Variants in SYNGR4 observed in about 807,000 individuals in gnomAD.
SYNGR4 encodes synaptogyrin-4.
A neutral mutation model predicts 15.5 loss-of-function variants in SYNGR4; 15 were observed. That is an observed-to-expected ratio of 0.97 (90% CI 0.65 to 1.49). The LOEUF (loss-of-function observed/expected upper bound fraction) is 1.49, where lower values mean the gene tolerates loss of function less well. SYNGR4 is among the 40% of genes most tolerant of loss of function. The pLI is 0.00. For missense variants in SYNGR4, 292 were observed against 299.3 expected (o/e 0.98, Z 0.18); for synonymous variants, 121 against 127.4 (o/e 0.95, Z 0.34).
chr19:48,373,861 C>T lies in SYNGR4; in HGVS notation c.331+107C>T. 2.7e-6 allele frequency: 3 copies of T among 1,128,336 alleles called. No homozygotes were observed. The South Asian group carries it at 4.0e-5, about 15-fold the overall frequency. 69.9% of individuals were successfully genotyped at this position (1,128,336 alleles called of 1,614,324 possible). On this transcript the variant is annotated intron_variant, in intron 3 of 4. Coordinates refer to ENST00000344846, the MANE Select transcript of SYNGR4 (RefSeq NM_012451.4). ...AACCCTTCACCACCTAGCCGGCCTC[C>T]ACCCTGACTGTCCTCCCAGTAGGAG...
rs1569048613 is a variant in SYNGR4, at chr19:48,376,275, C to G, written c.662C>G (p.Thr221Ser). 1 of 1,613,458 alleles carries G rather than the reference C, an allele frequency of 6.2e-7. No individual in the cohort carries two copies. Among genetic ancestry groups the G allele is most frequent in the East Asian group, 2.2e-5 (1 of 44,850 alleles). The change falls in exon 5 of 5, where the codon ACC becomes AGC. Residue 221 changes from threonine (T) to serine (S), a missense_variant. Coordinates refer to ENST00000344846, the MANE Select transcript of SYNGR4 (RefSeq NM_012451.4). ...AGCTCTGCCCTGTCCCCCTGTCTGA[C>G]CGCTCCAAAGTCCCCCCGGCTTGCT... The part of the protein sequence containing the change: ...YASSALSPCL[T>S]APKSPRLAMM...
intron 2 of SYNGR4, chr19:48,373,308 C>T (rs1217913243): frequency 1.7e-6 from 1 of 584,094 alleles, no homozygotes. Context: ...GGGCAAGGGC[C>T]AAGGAGAGCA....
chr19:48,370,360 G>A (rs1000234394), intron 2 of SYNGR4, among the ~76,000 whole-genome samples: 2 of 152,070 alleles, frequency 1.3e-5, no homozygotes, highest in African/African-American at 4.8e-5. Context: ...TTTCGCACTT[G>A]TAGTCCCAGC....
intron 2 of SYNGR4, 109 bp downstream of exon 2, chr19:48,366,044 GA>G (rs1970215791): frequency 8.4e-7 from 1 of 1,183,682 alleles, no homozygotes; most frequent in African/African-American, 1.5e-5. Context: ...GTCAGACGGG[GA>G]AACAAGACAA....
At position 48,376,276 on chromosome 19, in the gene SYNGR4, C is replaced by T. The variant is rs149839356; in HGVS notation, c.663C>T (p.Thr221=). 46 of 1,613,140 alleles carry T rather than the reference C, an allele frequency of 2.9e-5. No homozygotes were observed. Among genetic ancestry groups the T allele is most frequent in the South Asian group, 5.5e-5 (5 of 91,024 alleles). ...GCTCTGCCCTGTCCCCCTGTCTGAC[C>T]GCTCCAAAGTCCCCCCGGCTTGCTA... ...YASSALSPCL[T]APKSPRLAMM... Residue 221 remains threonine, a synonymous_variant, in exon 5 of 5, where the codon ACC becomes ACT. Transcript: ENST00000344846.
rs191699611 is a variant in SYNGR4, at chr19:48,372,367, C to T, written c.94-1150C>T. ...AATACACATAGAAGACAGGCATGGC[C>T]GGGCGTGGTGGCTCACGCCTGTAAT... On this transcript the variant is annotated intron_variant, in intron 2 of 4. Transcript: ENST00000344846. 4.6e-5 allele frequency among the ~76,000 whole-genome samples: 7 copies of T among 151,652 alleles called. No homozygotes were observed. The East Asian group carries it at 5.9e-4, about 13-fold the overall frequency.
intron 2 of SYNGR4, among the ~76,000 whole-genome samples, chr19:48,369,004 G>T (rs929106003): frequency 1.3e-5 from 2 of 152,194 alleles, no homozygotes; most frequent in African/African-American, 4.8e-5. Flanking sequence ...CAGGGCGGGT[G>T]GCAAGGAGAC....
chr19:48,367,512 A>T (rs1010972057), intron 2 of SYNGR4, among the ~76,000 whole-genome samples: 1 of 152,150 alleles, frequency 6.6e-6, no homozygotes, highest in African/African-American at 2.4e-5. Flanking sequence ...GGCTAAGGTC[A>T]CGCAGTAACA....
intron 2 of SYNGR4, among the ~76,000 whole-genome samples, chr19:48,367,625 G>A (rs1411534359): frequency 6.6e-6 from 1 of 152,138 alleles, no homozygotes; most frequent in African/African-American, 2.4e-5. Flanking sequence ...AGGGGCTGGG[G>A]CTTCTAGGAA....
intron 1 of SYNGR4, among the ~76,000 whole-genome samples, chr19:48,365,011 T>A (rs1169431201): frequency 2.7e-5 from 4 of 150,514 alleles, no homozygotes; most frequent in Non-Finnish European, 4.4e-5. Context: ...AGCAGCCCCT[T>A]CACTTATGTC....
chr19:48,373,389 A>C, intron 2 of SYNGR4, 128 bp from the exon 3 acceptor site: 1 of 781,482 alleles, frequency 1.3e-6, no homozygotes, highest in East Asian at 2.5e-5. Flanking sequence ...CACTGTGACA[A>C]TGTCAAAGAG....
At chr19:48,372,799 G>C (rs371635888) in intron 2 of SYNGR4, among the ~76,000 whole-genome samples, 1 of 152,186 alleles carries the variant, frequency 6.6e-6, no homozygotes, top group African/African-American at 2.4e-5. Context: ...GTTTCTCTTC[G>C]TATTTTTCTG....
rs763888979 is a variant in SYNGR4 at position 48,376,060 on chromosome 19, T to A, written c.472-25T>A. 3 of 1,614,038 alleles carry A rather than the reference T, an allele frequency of 1.9e-6. No individual in the cohort carries two copies. The South Asian group carries it at 3.3e-5, about 18-fold the overall frequency. ...TGACCTGCCCAGCCCAAGTCAGCCT[T>A]CAGCACGCGCTTTTCTGCCCACAGA... On this transcript the variant is annotated intron_variant, in intron 4 of 4. Coordinates refer to ENST00000344846, the MANE Select transcript of SYNGR4 (RefSeq NM_012451.4).
intron 2 of SYNGR4, 55 bp downstream of exon 2, chr19:48,365,990 T>C: frequency 6.3e-7 from 1 of 1,575,056 alleles, no homozygotes; most frequent in Non-Finnish European, 8.7e-7. Context: ...CCAGGAGCTC[T>C]CAACTCCCAG....
chr19:48,376,004 C>T (rs1352321544), intron 4 of SYNGR4, 81 bp from the exon 5 acceptor site: 1 of 1,602,996 alleles, frequency 6.2e-7, no homozygotes, highest in African/African-American at 1.3e-5. Context: ...TTGTCTCCTT[C>T]CCAGGCCAGT....
In SYNGR4 at chr19:48,365,882, G is replaced by A. The variant is rs201450222; in HGVS notation, c.40G>A (p.Glu14Lys). Residue 14 changes from glutamate to lysine, a missense_variant, in exon 2 of 5, where the codon GAA (glutamate) becomes AAA (lysine). By Grantham distance (56) the Glu-to-Lys change is moderately conservative. Coordinates refer to ENST00000344846, the MANE Select transcript of SYNGR4 (RefSeq NM_012451.4). ...PKSLQELANS[E>K]AVQFLRRPKT... is the part of the protein sequence containing the mutation. Reference sequence around the variant, plus strand: ...AAGCCTCCAGGAGCTGGCCAACAGCGAAGCCGTGCAGTTTCTGAGAAGGCC... The same window carrying A: ...AAGCCTCCAGGAGCTGGCCAACAGCAAAGCCGTGCAGTTTCTGAGAAGGCC... 412 of 1,613,396 alleles carry A rather than the reference G, an allele frequency of 2.6e-4. No individual in the cohort carries two copies. Among genetic ancestry groups the A allele is most frequent in the Non-Finnish European group, 3.2e-4 (380 of 1,179,658 alleles).
chr19:48,372,067 T>C (rs920034500), intron 2 of SYNGR4, among the ~76,000 whole-genome samples: 3 of 152,078 alleles, frequency 2.0e-5, no homozygotes, highest in Admixed American at 6.6e-5. Context: ...AATATTTTTG[T>C]AGAGACTGGG....
At chr19:48,365,320 C>A (rs1322286552) in intron 1 of SYNGR4, among the ~76,000 whole-genome samples, 6 of 135,158 alleles carry the variant, frequency 4.4e-5, no homozygotes, top group African/African-American at 9.3e-5. Flanking sequence ...TCAGGGACCC[C>A]TAGCAGCCCT....
chr19:48,371,720 G>A (rs905521835), intron 2 of SYNGR4, among the ~76,000 whole-genome samples: 5 of 149,492 alleles, frequency 3.3e-5, no homozygotes. Flanking sequence ...TGGGACTACG[G>A]GTGCATGCCA....
Sources: gnomAD v4.1 joint callset for allele counts (sites outside exome capture counted in the v4.1 genomes callset) on GRCh38, gnomAD v4.1.1 for gene constraint, MANE v1.5 for transcripts, NCBI Gene and HGNC (gene_info 2026-07-23, HGNC 2026-07-21) for gene names.